Variants in NALCN observed in about 807,000 individuals in gnomAD.
The protein encoded by NALCN is sodium leak channel NALCN.
A neutral mutation model predicts 225.3 loss-of-function variants in NALCN; 111 were observed. That is an observed-to-expected ratio of 0.49 (90% CI 0.42 to 0.58). The LOEUF (loss-of-function observed/expected upper bound fraction) is 0.58, where lower values mean the gene tolerates loss of function less well. Among genes scored for constraint, NALCN ranks in the 20% least tolerant of loss-of-function variants. NALCN has a pLI of 0.00. For synonymous variants in NALCN, 764 were observed against 769.0 expected (o/e 0.99, Z 0.11); for missense variants, 1,378 against 2,202.4 (o/e 0.63, Z 7.49).
At chr13:101,385,093 G>T (rs1484577344) in intron 3 of NALCN, among the ~76,000 whole-genome samples, 1 of 152,110 alleles carries the variant, frequency 6.6e-6, no homozygotes, top group African/African-American at 2.4e-5. Context: ...TGCAGAGCCT[G>T]CTGGGCCCTC....
chr13:101,320,757 A>C (rs2044718326), intron 7 of NALCN, among the ~76,000 whole-genome samples: 1 of 152,094 alleles, frequency 6.6e-6, no homozygotes, highest in East Asian at 1.9e-4. Context: ...ACAGATGCCC[A>C]CAATGAACTC....
chr13:101,409,599 C>T (rs1003842812), intron 1 of NALCN, among the ~76,000 whole-genome samples: 20 of 152,144 alleles, frequency 1.3e-4, no homozygotes, highest in Admixed American at 1.2e-3. Context: ...AAAGGGGATA[C>T]TTATTTTGAT....
chr13:101,172,913 G>GAA (rs141992121), intron 15 of NALCN, among the ~76,000 whole-genome samples: 3 of 152,018 alleles, frequency 2.0e-5, no homozygotes, highest in South Asian at 2.1e-4. Context: ...TATTACTCTT[G>GAA]AAAAAAATCT....
At chr13:101,196,371 C>T (rs79554874) in intron 13 of NALCN, among the ~76,000 whole-genome samples, 2,395 of 152,300 alleles carry the variant, frequency 0.016, 61 homozygotes, top group African/African-American at 0.047. Flanking sequence ...TGCCCAGAAA[C>T]CATTTGATTC....
In NALCN at chr13:101,111,061, G is replaced by A. The variant is rs531334462; in HGVS notation, c.2294+64C>T. The A allele has an allele frequency of 1.2e-5, 18 of 1,510,232 alleles. No individual in the cohort carries two copies. In the East Asian group the frequency reaches 1.8e-4, roughly 15 times the overall value. The allele number at this position is 1,510,232 out of a possible 1,614,324, so 93.6% of individuals were successfully genotyped here. The stretch of plus-strand genomic sequence containing the variant: ...GCTGACAGCCGTGACTGTGTACAGC[G>A]ACCATTTCCTGTAAAACCCCCCTTT... On this transcript the variant is annotated intron_variant, in intron 19 of 43. Transcript: ENST00000251127.
At position 101,066,308 on chromosome 13, in the gene NALCN, CAA is replaced by C. The variant is rs72260451; in HGVS notation, c.4447-749_4447-748del. ...CTGGAGACAGAGTGGGACTCCATCT[CAA>C]AAAAAAAAAAAAAAGAGCTAACTAA... On this transcript the variant is annotated intron_variant, in intron 39 of 43. Coordinates refer to ENST00000251127, the MANE Select transcript of NALCN (RefSeq NM_052867.4). 4.8e-3 allele frequency among the ~76,000 whole-genome samples: 598 copies of C among 125,064 alleles called. 3 individuals carry two copies. The highest frequency in any genetic ancestry group is 0.016 in the African/African-American group (553 of 34,470). The allele number at this position is 125,064 out of a possible 152,430, so 82.0% of individuals were successfully genotyped here.
At chr13:101,188,619 C>CACATAT (rs763931412) in intron 14 of NALCN, among the ~76,000 whole-genome samples, 5 of 149,924 alleles carry the variant, frequency 3.3e-5, no homozygotes, top group Admixed American at 2.7e-4. Context: ...TATATACACA[C>CACATAT]ATATATACAT....
chr13:101,304,758 C>CT (rs769247590), intron 7 of NALCN, among the ~76,000 whole-genome samples: 56,410 of 122,644 alleles, frequency 0.46, 13,455 homozygotes, highest in South Asian at 0.5. Flanking sequence ...TTTTTCTTTT[C>CT]TTTTTTTTTT....
chr13:101,095,011 G>A (rs577241559), intron 28 of NALCN, among the ~76,000 whole-genome samples: 2 of 152,218 alleles, frequency 1.3e-5, no homozygotes, highest in South Asian at 4.1e-4. Context: ...AAGAAAGAAG[G>A]TACTAGGTAT....
chr13:101,083,228 T>C (rs1388020892), intron 31 of NALCN, 30 bp from the exon 32 acceptor site: 13 of 1,549,830 alleles, frequency 8.4e-6, no homozygotes, highest in Non-Finnish European at 1.2e-5. Flanking sequence ...GCAAGGGCAT[T>C]TTAGACACAG....
At chr13:101,388,440 G>A (rs1483894489) in intron 3 of NALCN, among the ~76,000 whole-genome samples, 2 of 151,908 alleles carry the variant, frequency 1.3e-5, no homozygotes, top group African/African-American at 4.8e-5. Flanking sequence ...AAAAATTTTG[G>A]TTGTAGTAAA....
In NALCN at chr13:101,054,114, T is replaced by C. The variant is rs2139364732; in HGVS notation, c.*1181A>G. 6.6e-6 allele frequency: 1 copy of C among 152,306 alleles called. No homozygotes were observed. Among genetic ancestry groups the C allele is most frequent in the South Asian group, 2.1e-4 (1 of 4,824 alleles). The allele number at this position is 152,306 out of a possible 1,614,324, so 9.4% of individuals were successfully genotyped here. A position where few individuals can be genotyped will look rare whatever the true frequency, so the allele number is the denominator to read the frequency against. ...AAAATAGTTAAAGGTCCAAGTCAAG[T>C]CCACTTCTACTTGGCTGGCCCAGCA... is the stretch of plus-strand genomic sequence containing the variant. On this transcript the variant is annotated 3_prime_UTR_variant, in exon 44 of 44. Transcript: ENST00000251127.
chr13:101,337,458 G>A (rs555860920), intron 7 of NALCN, among the ~76,000 whole-genome samples: 209 of 151,922 alleles, frequency 1.4e-3, no homozygotes, highest in African/African-American at 4.8e-3. Context: ...ACTGGCACCC[G>A]CCATCATGCC....
chr13:101,380,281 C>T (rs1407190824), intron 3 of NALCN, among the ~76,000 whole-genome samples: 2 of 152,012 alleles, frequency 1.3e-5, no homozygotes, highest in African/African-American at 4.8e-5. Context: ...GCAAGGAAAA[C>T]ACATATTGAC....
chr13:101,246,908 C>A (rs1455147218), intron 11 of NALCN, among the ~76,000 whole-genome samples: 2 of 152,118 alleles, frequency 1.3e-5, no homozygotes, highest in Non-Finnish European at 2.9e-5. Context: ...GGACTCCCTG[C>A]AAGACGGCAA....
intron 1 of NALCN, among the ~76,000 whole-genome samples, chr13:101,413,307 A>C (rs2047840496): frequency 2.0e-5 from 3 of 152,130 alleles, no homozygotes; most frequent in Non-Finnish European, 4.4e-5. Context: ...AAGATATGGA[A>C]AAATAGGTGA....
chr13:101,137,281 GAA>G, intron 17 of NALCN, among the ~76,000 whole-genome samples: 1 of 152,122 alleles, frequency 6.6e-6, no homozygotes, highest in East Asian at 1.9e-4. Context: ...GTACTGCAGA[GAA>G]GCTAAGCCAT....
intron 12 of NALCN, among the ~76,000 whole-genome samples, chr13:101,236,706 T>C (rs908622681): frequency 3.6e-5 from 5 of 139,672 alleles, no homozygotes; most frequent in Admixed American, 8.1e-5. Context: ...TAGGTGGGAA[T>C]TGAACAATGA....
chr13:101,397,109 T>TATATATATATATAC (rs1169730118), intron 2 of NALCN, among the ~76,000 whole-genome samples: 5 of 80,968 alleles, frequency 6.2e-5, no homozygotes, highest in African/African-American at 1.3e-4. Flanking sequence ...TATATATATA[T>TATATATATATATAC]ACATACACAT....
Sources: allele counts gnomAD v4.1 joint callset (sites outside exome capture counted in the v4.1 genomes callset), GRCh38; gene constraint gnomAD v4.1.1; transcripts MANE v1.5; gene names NCBI Gene and HGNC (gene_info 2026-07-23, HGNC 2026-07-21).